The following CDH4 variants were observed in gnomAD, a reference collection of about 807,000 sequenced individuals.
CDH4 encodes cadherin-4.
In CDH4, 33 loss-of-function variants were observed where a neutral mutation model predicts 86.0. The observed-to-expected ratio is 0.38, with a 90% CI of 0.29 to 0.51. CDH4 has a LOEUF of 0.51. Among genes scored for constraint, CDH4 ranks in the 20% least tolerant of loss-of-function variants. CDH4 has a pLI of 0.86. For missense variants in CDH4, 1,114 were observed against 1,307.4 expected, an observed-to-expected ratio of 0.85 and a Z score of 2.28; for synonymous variants, 555 against 549.4, an observed-to-expected ratio of 1.01 and a Z score of -0.14.
intron 2 of CDH4, among the ~76,000 whole-genome samples, chr20:61,665,733 G>A (rs1041199658): frequency 9.2e-5 from 14 of 152,162 alleles, no homozygotes; most frequent in Non-Finnish European, 1.5e-4. Context: ...TACAATACAC[G>A]GGGGTCACCT....
intron 2 of CDH4, among the ~76,000 whole-genome samples, chr20:61,575,483 T>C (rs953688006): frequency 6.6e-6 from 1 of 152,250 alleles, no homozygotes; most frequent in Non-Finnish European, 1.5e-5. Flanking sequence ...CACAGACCTG[T>C]ACTCGTGGAG....
intron 2 of CDH4, among the ~76,000 whole-genome samples, chr20:61,719,958 G>C (rs912389243): frequency 7.2e-5 from 11 of 152,188 alleles, no homozygotes; most frequent in African/African-American, 2.4e-4. Flanking sequence ...CTCCCTCCCA[G>C]AGTTTAAGCA....
chr20:61,341,039 C>T (rs1011027175), intron 2 of CDH4, among the ~76,000 whole-genome samples: 5 of 152,172 alleles, frequency 3.3e-5, no homozygotes, highest in African/African-American at 7.2e-5. Context: ...TACACGAGGC[C>T]GCTTGGGATG....
rs553750644 is a variant in CDH4 at position 61,464,353 on chromosome 20, AGAGT to A, written c.169+209422_169+209425del. The stretch of plus-strand genomic sequence containing the variant: ...CATTTTGAATCCAGATTGAACATAA[AGAGT>A]GAGTGTTTGGAGTCTGTTCTAGGCT... On this transcript the variant is annotated intron_variant, in intron 2 of 15. Transcript: ENST00000614565. 3.4e-3 allele frequency among the ~76,000 whole-genome samples: 519 copies of A among 152,290 alleles called. 2 individuals carry two copies. The highest frequency in any genetic ancestry group is 0.014 in the South Asian group (68 of 4,828).
At chr20:61,514,911 C>T (rs954468754) in intron 2 of CDH4, among the ~76,000 whole-genome samples, 78 of 152,272 alleles carry the variant, frequency 5.1e-4, no homozygotes, top group African/African-American at 1.8e-3. Context: ...GGGGGAAGGG[C>T]CCAGGACCTC....
At chr20:61,696,490 G>T (rs1376564701) in intron 2 of CDH4, among the ~76,000 whole-genome samples, 2 of 152,228 alleles carry the variant, frequency 1.3e-5, no homozygotes, top group Admixed American at 1.3e-4. Flanking sequence ...AGCACCAGCT[G>T]TGTACTGAGC....
intron 5 of CDH4, among the ~76,000 whole-genome samples, chr20:61,850,766 C>G (rs1424424063): frequency 6.6e-6 from 1 of 152,222 alleles, no homozygotes; most frequent in African/African-American, 2.4e-5. Context: ...GTGAGGTCAC[C>G]TCTCTCAGGC....
chr20:61,914,103 C>CA (rs376733077), intron 9 of CDH4, among the ~76,000 whole-genome samples: 1 of 152,230 alleles, frequency 6.6e-6, no homozygotes, highest in Non-Finnish European at 1.5e-5. Context: ...CCTGCCCCCC[C>CA]ACAGCCAGTC....
At chr20:61,262,507 G>A (rs1331586347) in intron 2 of CDH4, among the ~76,000 whole-genome samples, 1 of 152,170 alleles carries the variant, frequency 6.6e-6, no homozygotes, top group Non-Finnish European at 1.5e-5. Context: ...TGGCGACTGG[G>A]TTGGTGTAAG....
chr20:61,758,984 TG>T (rs1427816095), intron 3 of CDH4, among the ~76,000 whole-genome samples: 1 of 152,220 alleles, frequency 6.6e-6, no homozygotes, highest in African/African-American at 2.4e-5. Flanking sequence ...GGTGTGCACA[TG>T]GGTGTGCACG....
At chr20:61,599,855 C>G in intron 2 of CDH4, 5 of 985,546 alleles carry the variant, frequency 5.1e-6, no homozygotes, top group Non-Finnish European at 6.0e-6. Context: ...TTCCCTTCGC[C>G]GCACACAACA....
chr20:61,930,874 C>G (rs932863973), intron 13 of CDH4, among the ~76,000 whole-genome samples: 2 of 152,258 alleles, frequency 1.3e-5, no homozygotes, highest in African/African-American at 4.8e-5. Flanking sequence ...TCTGGAAACA[C>G]CGGGGGCCAG....
At chr20:61,868,306 A>G (rs576734013) in intron 6 of CDH4, among the ~76,000 whole-genome samples, 2 of 152,284 alleles carry the variant, frequency 1.3e-5, no homozygotes, top group East Asian at 3.9e-4. Flanking sequence ...GAGGGAATTC[A>G]GTCCAAGGGA....
chr20:61,385,271 G>A (rs1317769), intron 2 of CDH4, among the ~76,000 whole-genome samples: 26,834 of 152,084 alleles, frequency 0.18, 3,119 homozygotes, highest in East Asian at 0.41. Flanking sequence ...AAGTGGCAGC[G>A]TTCTGCGATC....
At chr20:61,933,859 ATTGGGG>A (rs1042851977) in intron 14 of CDH4, among the ~76,000 whole-genome samples, 191 bp from the exon 15 acceptor site, 5 of 152,248 alleles carry the variant, frequency 3.3e-5, no homozygotes, top group African/African-American at 1.2e-4. Context: ...TGCCCAAGGG[ATTGGGG>A]TAAAGGGCAA....
chr20:61,431,911 C>T (rs896964566), intron 2 of CDH4, among the ~76,000 whole-genome samples: 4 of 152,004 alleles, frequency 2.6e-5, no homozygotes, highest in African/African-American at 7.3e-5. Flanking sequence ...TTTTTTGTGC[C>T]GGCTTCTTGC....
rs377722199 is a variant in CDH4, at chr20:61,796,368, C to T, written c.576+23186C>T. ...CCCACACTCTATTTACAGCCCAGCACGGGCCAGGGCTGCCCAGGAGGACTC... is the reference window on the plus strand; with the variant it reads ...CCCACACTCTATTTACAGCCCAGCATGGGCCAGGGCTGCCCAGGAGGACTC... On this transcript the variant is annotated intron_variant, in intron 4 of 15. Coordinates refer to ENST00000614565, the MANE Select transcript of CDH4 (RefSeq NM_001794.5). 5.9e-5 allele frequency among the ~76,000 whole-genome samples: 9 copies of T among 152,172 alleles called. 1 individual carries two copies. The highest frequency in any genetic ancestry group is 3.3e-4 in the Admixed American group (5 of 15,292).
At chr20:61,562,898 G>A (rs577590771) in intron 2 of CDH4, among the ~76,000 whole-genome samples, 2 of 152,288 alleles carry the variant, frequency 1.3e-5, no homozygotes, top group South Asian at 2.1e-4. Context: ...GAGTCTTCAC[G>A]GCTCCTGAAG....
Position 61,928,284 on chromosome 20 carries a change from C to T in CDH4, c.1866C>T (p.Ile622=). Residue 622 remains isoleucine (I), a synonymous_variant, in exon 12 of 16, where the codon ATC becomes ATT. Transcript: ENST00000614565. The stretch of plus-strand genomic sequence containing the variant: ...AGCTGCTGCCCAAGGAGGCGCAGAT[C>T]TGCGAGAAGCCCAACCTGAACGCCA... The part of the protein sequence containing the change: ...APELLPKEAQ[I]CEKPNLNAIN... 1.2e-6 allele frequency: 2 copies of T among 1,610,232 alleles called. No individual in the cohort carries two copies. Among genetic ancestry groups the T allele is most frequent in the Non-Finnish European group, 1.7e-6 (2 of 1,179,974 alleles).
Sources: gnomAD v4.1 joint callset for allele counts (sites outside exome capture counted in the v4.1 genomes callset) on GRCh38, gnomAD v4.1.1 for gene constraint, MANE v1.5 for transcripts, NCBI Gene and HGNC (gene_info 2026-07-23, HGNC 2026-07-21) for gene names.